Variants in MTUS1 observed in about 807,000 individuals in gnomAD.
MTUS1 encodes the protein microtubule-associated tumor suppressor 1.
A neutral mutation model predicts 120.8 loss-of-function variants in MTUS1; 109 were observed. The observed-to-expected ratio is 0.90, with a 90% CI of 0.77 to 1.06. The LOEUF is 1.06. MTUS1 is among the 50% of genes least tolerant of loss of function. The pLI is 0.00. For synonymous variants in MTUS1, 737 were observed against 550.5 expected (o/e 1.34, Z -4.74); for missense variants, 2,210 against 1,486.3 (o/e 1.49, Z -8.01).
chr8:17,751,243 G>A (rs2048164968), intron 2 of MTUS1, among the ~76,000 whole-genome samples: 1 of 152,130 alleles, frequency 6.6e-6, no homozygotes, highest in Non-Finnish European at 1.5e-5. Context: ...AGGTTGCAGT[G>A]AGCCGAGATC....
At chr8:17,779,135 G>A (rs436866) in intron 1 of MTUS1, among the ~76,000 whole-genome samples, 452 of 152,274 alleles carry the variant, frequency 3.0e-3, no homozygotes, top group Non-Finnish European at 4.8e-3. Flanking sequence ...ATAAGTAGTA[G>A]GTAAGGAGGC....
chr8:17,678,748 CAA>C (rs35213322), intron 7 of MTUS1, among the ~76,000 whole-genome samples: 30 of 133,012 alleles, frequency 2.3e-4, no homozygotes, highest in Admixed American at 2.9e-4. Flanking sequence ...ATTCCACTTG[CAA>C]AAAAAAAAAA....
At chr8:17,721,623 A>T in intron 4 of MTUS1, 1 of 1,422,076 alleles carries the variant, frequency 7.0e-7, no homozygotes, top group Non-Finnish European at 9.3e-7. Flanking sequence ...CAAGTTACAA[A>T]AACAGAAGTC....
intron 6 of MTUS1, among the ~76,000 whole-genome samples, chr8:17,695,002 G>A (rs7817843): frequency 0.055 from 8,367 of 152,154 alleles, 774 homozygotes; most frequent in African/African-American, 0.18. Flanking sequence ...GGCCTCTTGG[G>A]ATCCAGGTCA....
chr8:17,658,145 C>G (rs904787257), intron 8 of MTUS1, among the ~76,000 whole-genome samples: 3 of 151,920 alleles, frequency 2.0e-5, no homozygotes, highest in Admixed American at 6.6e-5. Flanking sequence ...TCAAGCGATT[C>G]TCCTGCCTCA....
At chr8:17,677,032 C>T (rs1426803163) in intron 7 of MTUS1, among the ~76,000 whole-genome samples, 1 of 152,024 alleles carries the variant, frequency 6.6e-6, no homozygotes, top group African/African-American at 2.4e-5. Flanking sequence ...GATTTAAGAC[C>T]CACTTTTCAC....
At chr8:17,791,492 G>C (rs973788975) in intron 1 of MTUS1, among the ~76,000 whole-genome samples, 1 of 152,196 alleles carries the variant, frequency 6.6e-6, no homozygotes, top group African/African-American at 2.4e-5. Flanking sequence ...TCAAAGTGAT[G>C]ACTCAATTGT....
chr8:17,691,323 G>C (rs1585723827), intron 6 of MTUS1: 1 of 152,304 alleles, frequency 6.6e-6, no homozygotes, highest in African/African-American at 2.4e-5. Flanking sequence ...AGCAAAACTT[G>C]CCATTCAACA....
chr8:17,770,814 T>C (rs1204114854), intron 1 of MTUS1, among the ~76,000 whole-genome samples: 2 of 152,190 alleles, frequency 1.3e-5, no homozygotes, highest in Non-Finnish European at 2.9e-5. Context: ...TACACATCAC[T>C]TGCAATAAAA....
chr8:17,654,947 A>G, intron 9 of MTUS1: 1 of 370,356 alleles, frequency 2.7e-6, no homozygotes, highest in Non-Finnish European at 4.9e-6. Flanking sequence ...CAAAGAATGC[A>G]TGAAGAGCAA....
chr8:17,794,259 C>T (rs779746160), intron 1 of MTUS1, among the ~76,000 whole-genome samples: 4 of 151,804 alleles, frequency 2.6e-5, no homozygotes, highest in Non-Finnish European at 4.4e-5. Flanking sequence ...ACCCAGGAGG[C>T]GGACACTGCA....
intron 9 of MTUS1, 134 bp from the exon 10 acceptor site, chr8:17,654,800 C>A: frequency 3.1e-6 from 2 of 646,294 alleles, no homozygotes; most frequent in Admixed American, 5.1e-5. Context: ...CTCCTCAACA[C>A]ATACAAAGGT....
chr8:17,709,438 A>G (rs1329715384), intron 6 of MTUS1, among the ~76,000 whole-genome samples: 1 of 151,906 alleles, frequency 6.6e-6, no homozygotes, highest in Non-Finnish European at 1.5e-5. Context: ...TTTTTATTTT[A>G]TTTTTTTAAC....
At chr8:17,685,351 T>C (rs549162015) in intron 6 of MTUS1, among the ~76,000 whole-genome samples, 1 of 152,236 alleles carries the variant, frequency 6.6e-6, no homozygotes, top group East Asian at 1.9e-4. Flanking sequence ...TTGGAACCAT[T>C]CCAAATGTGT....
chr8:17,798,823 G>C (rs1186550133), intron 1 of MTUS1, among the ~76,000 whole-genome samples: 1 of 152,114 alleles, frequency 6.6e-6, no homozygotes, highest in Admixed American at 6.5e-5. Flanking sequence ...GAATGGCAAA[G>C]ATTTACTATC....
At chr8:17,652,638 T>C (rs185256589) in intron 12 of MTUS1, among the ~76,000 whole-genome samples, 1 of 152,106 alleles carries the variant, frequency 6.6e-6, no homozygotes, top group Non-Finnish European at 1.5e-5. Context: ...AAGAGTGAAC[T>C]TTTCCTGGGC....
chr8:17,679,513 TTA>T lies in MTUS1; in HGVS notation c.2839-4263_2839-4262del, dbSNP rs371116675. Among the ~76,000 whole-genome samples the T allele has an allele frequency of 1.1e-3, 39 of 35,238 alleles. 1 individual carries two copies. The highest frequency in any genetic ancestry group is 2.0e-3 in the Admixed American group (6 of 2,994). 23.1% of individuals were successfully genotyped at this position (35,238 alleles called of 152,430 possible). ...TTTATTTATTTATTTATTTATTTAT[TTA>T]TTTTTTGAGACAGGGTCTCACTGTC... On this transcript the variant is annotated intron_variant, in intron 7 of 14. Transcript: ENST00000693296.
In MTUS1 at chr8:17,645,789, C is replaced by A; in HGVS notation, c.*137G>T. On this transcript the variant is annotated 3_prime_UTR_variant, in exon 15 of 15. Coordinates refer to ENST00000693296, the MANE Select transcript of MTUS1 (RefSeq NM_001363059.2). ...CCAGTCTCAGAAGCTGCGATTCCGC[C>A]GGTGGTGACGCTCCAGTTACCCTAC... The A allele has an allele frequency of 8.6e-7, 1 of 1,156,112 alleles. No homozygotes were observed. Among genetic ancestry groups the A allele is most frequent in the Non-Finnish European group, 1.1e-6 (1 of 869,744 alleles). 71.6% of individuals were successfully genotyped at this position (1,156,112 alleles called of 1,614,324 possible).
At chr8:17,790,167 T>C (rs1037598822) in intron 1 of MTUS1, among the ~76,000 whole-genome samples, 1 of 151,888 alleles carries the variant, frequency 6.6e-6, no homozygotes. Context: ...GCTAACATGG[T>C]GAAGCCCCAC....
Sources: allele counts gnomAD v4.1 joint callset (sites outside exome capture counted in the v4.1 genomes callset), GRCh38; gene constraint gnomAD v4.1.1; transcripts MANE v1.5; gene names NCBI Gene and HGNC (gene_info 2026-07-23, HGNC 2026-07-21).